Variants in ARRB2 observed in about 807,000 individuals in gnomAD.
ARRB2 encodes the protein beta-arrestin-2.
In ARRB2, 21 loss-of-function variants were observed where a neutral mutation model predicts 53.4. The observed-to-expected ratio is 0.39, with a 90% CI of 0.28 to 0.57. The LOEUF is 0.57. ARRB2 is among the 20% of genes least tolerant of loss of function. The pLI, the probability that ARRB2 is intolerant of heterozygous loss-of-function variation, is 0.55. For missense variants in ARRB2, 369 were observed against 527.5 expected (o/e 0.70, Z 2.94); for synonymous variants, 180 against 212.9 (o/e 0.85, Z 1.34).
chr17:4,715,179 C>T lies in ARRB2; in HGVS notation c.54+136C>T, dbSNP rs9906616. ...CCCACTTCCTGTGACAGCTAAGCGCCGACTTCCTTCCCTCCTGAAGCCCCT... is the reference window on the plus strand; with the variant it reads ...CCCACTTCCTGTGACAGCTAAGCGCTGACTTCCTTCCCTCCTGAAGCCCCT... On this transcript the variant is annotated intron_variant, in intron 2 of 14. Transcript: ENST00000269260. 907 of 1,018,586 alleles carry T rather than the reference C, an allele frequency of 8.9e-4. 5 individuals carry two copies. In the African/African-American group the frequency reaches 0.01, roughly 12 times the overall value. The allele number at this position is 1,018,586 out of a possible 1,614,324, so 63.1% of individuals were successfully genotyped here. A position where few individuals can be genotyped will look rare whatever the true frequency, so the allele number is the denominator to read the frequency against.
intron 11 of ARRB2, 121 bp downstream of exon 11, chr17:4,719,541 C>A (rs1030229628): frequency 1.4e-6 from 2 of 1,402,446 alleles, no homozygotes; most frequent in African/African-American, 2.9e-5. Flanking sequence ...CTCTTACATT[C>A]TAGGGGAGGG....
chr17:4,721,141 C>A lies in ARRB2; in HGVS notation c.*102C>A. The stretch of plus-strand genomic sequence containing the variant: ...GGATTGTCCCAGCCCCTCTTCCCTT[C>A]CCCTCACCTGGAAGCTTCTTCAACC... On this transcript the variant is annotated 3_prime_UTR_variant, in exon 15 of 15. Transcript: ENST00000269260. The surrounding 1 kb of genome is among the most constrained non-coding windows in gnomAD (Gnocchi z 4.2). 1 of 1,230,946 alleles carries A rather than the reference C, an allele frequency of 8.1e-7. No individual in the cohort carries two copies. The highest frequency in any genetic ancestry group is 1.2e-6 in the Non-Finnish European group (1 of 859,442). The allele number at this position is 1,230,946 out of a possible 1,614,324, so 76.3% of individuals were successfully genotyped here.
At chr17:4,712,779 T>G (rs1311256801) in intron 1 of ARRB2, among the ~76,000 whole-genome samples, 1 of 152,188 alleles carries the variant, frequency 6.6e-6, no homozygotes, top group South Asian at 2.1e-4. Flanking sequence ...TTCAACAAAC[T>G]ATTTATGCCA....
rs376809131 is a variant in ARRB2 at position 4,717,208 on chromosome 17, C to G, written c.358-9C>G. ...GAAGAACTGAAGTCTTCTCCTTCCT[C>G]CGCCACAGATACCCCAGAATCTTCC... On this transcript the variant is annotated splice_polypyrimidine_tract_variant and intron_variant, in intron 5 of 14. Transcript: ENST00000269260. The surrounding 1 kb of genome is among the most constrained non-coding windows in gnomAD (Gnocchi z 6.0). 6.2e-6 allele frequency: 10 copies of G among 1,613,834 alleles called. No homozygotes were observed. Among genetic ancestry groups the G allele is most frequent in the African/African-American group, 1.3e-5 (1 of 74,926 alleles).
At position 4,716,138 on chromosome 17, in the gene ARRB2, C is replaced by G; in HGVS notation, c.116-9C>G. 1 of 1,614,150 alleles carries G rather than the reference C, an allele frequency of 6.2e-7. No homozygotes were observed. The highest frequency in any genetic ancestry group is 8.5e-7 in the Non-Finnish European group (1 of 1,180,034). ...TTTCAGGAAGTGAGCTGGTGTGTCC[C>G]CCTCCTAGATGGCGTGGTGCTTGTG... On this transcript the variant is annotated splice_polypyrimidine_tract_variant and intron_variant, in intron 3 of 14. Coordinates refer to ENST00000269260, the MANE Select transcript of ARRB2 (RefSeq NM_004313.4).
chr17:4,712,504 T>C (rs186868525), intron 1 of ARRB2, among the ~76,000 whole-genome samples: 8 of 152,340 alleles, frequency 5.3e-5, no homozygotes, highest in Non-Finnish European at 7.3e-5. Context: ...AACCTGCCCA[T>C]TGGGGTCCTC....
At chr17:4,715,677 CTG>C (rs1914928577) in intron 2 of ARRB2, 3 of 450,154 alleles carry the variant, frequency 6.7e-6, no homozygotes. Flanking sequence ...ACACACACAC[CTG>C]ACTGGTTGGC....
chr17:4,716,664 G>T, intron 5 of ARRB2, 56 bp downstream of exon 5: 1 of 1,537,258 alleles, frequency 6.5e-7, no homozygotes. Context: ...ACTGTGTCTG[G>T]GGTGGGGGTA....
rs1915195897 is a variant in ARRB2, at chr17:4,717,507, C to G, written c.418-178C>G. On this transcript the variant is annotated intron_variant, in intron 6 of 14. Transcript: ENST00000269260. The surrounding 1 kb of genome is among the most constrained non-coding windows in gnomAD (Gnocchi z 6.0). ...GGGATGGGGGCTCCCCTTGCACTAC[C>G]ATGACCAAGCCTCTGCCAGGTTCTG... The G allele has an allele frequency of 1.1e-6, 1 of 951,824 alleles. No individual in the cohort carries two copies. The highest frequency in any genetic ancestry group is 2.3e-5 in the Admixed American group (1 of 44,186). The allele number at this position is 951,824 out of a possible 1,614,324, so 59.0% of individuals were successfully genotyped here.
At chr17:4,720,190 T>G in intron 11 of ARRB2, 26 bp from the exon 12 acceptor site, 2 of 1,596,602 alleles carry the variant, frequency 1.3e-6, no homozygotes, top group Non-Finnish European at 8.5e-7. Flanking sequence ...TAGGCCCTGG[T>G]CTGACTCCAA....
In ARRB2 at chr17:4,720,569, T is replaced by G. The variant is rs1259664659; in HGVS notation, c.1082-17T>G. 3 of 921,980 alleles carry G rather than the reference T, an allele frequency of 3.3e-6. No homozygotes were observed. Among genetic ancestry groups the G allele is most frequent in the Non-Finnish European group, 4.3e-6 (3 of 694,650 alleles). 57.1% of individuals were successfully genotyped at this position (921,980 alleles called of 1,614,324 possible). A position where few individuals can be genotyped will look rare whatever the true frequency, so the allele number is the denominator to read the frequency against. ...TTCCAGCACCCACCCCCACACCCCC[T>G]CTTCCCGTCCCCCCAGCCGCTCCGG... On this transcript the variant is annotated splice_polypyrimidine_tract_variant and intron_variant, in intron 13 of 14. Transcript: ENST00000269260.
At chr17:4,715,657 A>G in intron 2 of ARRB2, 2 of 433,340 alleles carry the variant, frequency 4.6e-6, no homozygotes, top group Non-Finnish European at 8.5e-6. Context: ...ACACATGCAC[A>G]TACATGTTCA....
Position 4,717,541 on chromosome 17 carries a change from A to G in ARRB2, c.418-144A>G. 8.8e-7 allele frequency: 1 copy of G among 1,142,108 alleles called. No individual in the cohort carries two copies. The highest frequency in any genetic ancestry group is 1.4e-5 in the South Asian group (1 of 73,940). The allele number at this position is 1,142,108 out of a possible 1,614,324, so 70.7% of individuals were successfully genotyped here. A position where few individuals can be genotyped will look rare whatever the true frequency, so the allele number is the denominator to read the frequency against. On this transcript the variant is annotated intron_variant, in intron 6 of 14. Coordinates refer to ENST00000269260, the MANE Select transcript of ARRB2 (RefSeq NM_004313.4). This position sits in a 1 kb window ranked among gnomAD's most constrained non-coding sequence, Gnocchi z 6.0. ...GCCTCTGCCAGGTTCTGGGCTTTGGAGAGGAAGAAGACTTAGTCCCCAGGG... is the reference window on the plus strand; with the variant it reads ...GCCTCTGCCAGGTTCTGGGCTTTGGGGAGGAAGAAGACTTAGTCCCCAGGG...
intron 13 of ARRB2, 24 bp from the exon 14 acceptor site, chr17:4,720,562 C>A: frequency 6.4e-7 from 1 of 1,562,664 alleles, no homozygotes; most frequent in South Asian, 1.2e-5. Flanking sequence ...CCCACCCCCA[C>A]ACCCCCTCTT....
intron 1 of ARRB2, among the ~76,000 whole-genome samples, chr17:4,714,321 C>T (rs574144590): frequency 4.5e-4 from 69 of 152,172 alleles, no homozygotes; most frequent in African/African-American, 1.5e-3. Context: ...TGAGTAGAGT[C>T]GAACTTGGGT....
intron 2 of ARRB2, 92 bp downstream of exon 2, chr17:4,715,135 G>A: frequency 7.0e-7 from 1 of 1,422,740 alleles, no homozygotes; most frequent in South Asian, 1.3e-5. Context: ...ACCCAAAGAT[G>A]ATCCCCAACC....
intron 2 of ARRB2, chr17:4,715,725 A>AC (rs1491317909): frequency 1.1e-4 from 52 of 481,358 alleles, no homozygotes; most frequent in Admixed American, 2.8e-4. Flanking sequence ...ACACACACAC[A>AC]AACACACACA....
intron 10 of ARRB2, 56 bp from the exon 11 acceptor site, chr17:4,719,227 G>A (rs564625327): frequency 2.3e-5 from 36 of 1,574,946 alleles, no homozygotes; most frequent in Non-Finnish European, 2.6e-5. Context: ...GTCATAGGCC[G>A]CCCCTTGCCC....
chr17:4,717,203 T>C lies in ARRB2; in HGVS notation c.358-14T>C. 1 of 1,613,642 alleles carries C rather than the reference T, an allele frequency of 6.2e-7. No homozygotes were observed. The highest frequency in any genetic ancestry group is 8.5e-7 in the Non-Finnish European group (1 of 1,179,608). On this transcript the variant is annotated splice_polypyrimidine_tract_variant and intron_variant, in intron 5 of 14. Transcript: ENST00000269260. This position sits in a 1 kb window ranked among gnomAD's most constrained non-coding sequence, Gnocchi z 6.0. Reference sequence around the variant, plus strand: ...TTCTGGAAGAACTGAAGTCTTCTCCTTCCTCCGCCACAGATACCCCAGAAT... The same window carrying C: ...TTCTGGAAGAACTGAAGTCTTCTCCCTCCTCCGCCACAGATACCCCAGAAT...
Sources: allele counts gnomAD v4.1 joint callset (sites outside exome capture counted in the v4.1 genomes callset), GRCh38; gene constraint gnomAD v4.1.1; non-coding constraint Gnocchi (gnomAD v3.1); transcripts MANE v1.5; gene names NCBI Gene and HGNC (gene_info 2026-07-23, HGNC 2026-07-21).